Variants in NOTCH4 observed in about 807,000 individuals in gnomAD.
The protein encoded by NOTCH4 is notch receptor 4.
Under a neutral mutation model 189.0 loss-of-function variants are expected in NOTCH4, and 138 were observed. The observed-to-expected ratio is 0.73, with a 90% CI of 0.64 to 0.84. The LOEUF is 0.84. NOTCH4 is among the 40% of genes least tolerant of loss of function. NOTCH4 has a pLI of 0.00. For missense variants in NOTCH4, 2,286 were observed against 2,605.4 expected, an observed-to-expected ratio of 0.88 and a Z score of 2.67; for synonymous variants, 942 against 1,032.8, an observed-to-expected ratio of 0.91 and a Z score of 1.69.
Position 32,195,790 on chromosome 6 carries a change from C to A in NOTCH4, c.5659G>T (p.Ala1887Ser), listed in dbSNP as rs760665985. Residue 1887 changes from alanine (A) to serine (S), a missense_variant, in exon 30 of 30, where the codon GCT becomes TCT. By Grantham distance (99) the Ala-to-Ser change is moderately conservative. Coordinates refer to ENST00000375023, the MANE Select transcript of NOTCH4 (RefSeq NM_004557.4). The surrounding 1 kb of genome is among the most constrained non-coding windows in gnomAD (Gnocchi z 5.4). The stretch of plus-strand genomic sequence containing the variant: ...GAATAGGCCCCGCCCCCCCGCGCAG[C>A]CAAGTCTACGGACCAAGTCCGAGCC... ...LQARTWSVDL[A>S]ARGGGAYSHC... 1 of 1,605,756 alleles carries A rather than the reference C, an allele frequency of 6.2e-7. No homozygotes were observed. The highest frequency in any genetic ancestry group is 8.5e-7 in the Non-Finnish European group (1 of 1,179,408).
intron 18 of NOTCH4, 25 bp from the exon 19 acceptor site, chr6:32,204,414 G>A: frequency 1.2e-6 from 2 of 1,607,226 alleles, no homozygotes; most frequent in South Asian, 1.1e-5. Flanking sequence ...GATTAGACAG[G>A]GAACCAGTGG....
chr6:32,210,628 G>A lies in NOTCH4; in HGVS notation c.2865+124C>T. The A allele has an allele frequency of 1.1e-6, 1 of 904,592 alleles. No homozygotes were observed. The highest frequency in any genetic ancestry group is 1.7e-6 in the Non-Finnish European group (1 of 575,800). 56.0% of individuals were successfully genotyped at this position (904,592 alleles called of 1,614,324 possible). A position where few individuals can be genotyped will look rare whatever the true frequency, so the allele number is the denominator to read the frequency against. Reference sequence around the variant, plus strand: ...GGCATGACTTTGTGGTTAGTTGGGTGTGTGGGGTTAAAAAAAATAAAAGGA... The same window carrying A: ...GGCATGACTTTGTGGTTAGTTGGGTATGTGGGGTTAAAAAAAATAAAAGGA... On this transcript the variant is annotated intron_variant, in intron 18 of 29. Coordinates refer to ENST00000375023, the MANE Select transcript of NOTCH4 (RefSeq NM_004557.4). This position sits in a 1 kb window ranked among gnomAD's most constrained non-coding sequence, Gnocchi z 4.8.
At position 32,210,606 on chromosome 6, in the gene NOTCH4, A is replaced by G; in HGVS notation, c.2865+146T>C. The G allele has an allele frequency of 1.4e-6, 1 of 739,824 alleles. No homozygotes were observed. Among genetic ancestry groups the G allele is most frequent in the Non-Finnish European group, 2.2e-6 (1 of 444,620 alleles). 45.8% of individuals were successfully genotyped at this position (739,824 alleles called of 1,614,324 possible). A position where few individuals can be genotyped will look rare whatever the true frequency, so the allele number is the denominator to read the frequency against. ...AGAAAACTTCAGGAGATAAAGTGGC[A>G]TGACTTTGTGGTTAGTTGGGTGTGT... On this transcript the variant is annotated intron_variant, in intron 18 of 29. Transcript: ENST00000375023. This position sits in a 1 kb window ranked among gnomAD's most constrained non-coding sequence, Gnocchi z 4.8.
chr6:32,222,476 C>A, intron 3 of NOTCH4, 35 bp downstream of exon 3: 1 of 1,489,792 alleles, frequency 6.7e-7, no homozygotes, highest in Non-Finnish European at 8.9e-7. Flanking sequence ...ATTGCTCCTG[C>A]CTGTCCCCTC....
chr6:32,212,894 G>T lies in NOTCH4; in HGVS notation c.2456C>A (p.Ala819Glu). The change falls in exon 16 of 30, where the codon GCA (alanine) becomes GAA (glutamate). Residue 819 changes from alanine to glutamate, a missense_variant. By Grantham distance (107) the Ala-to-Glu change is moderately radical. Coordinates refer to ENST00000375023, the MANE Select transcript of NOTCH4 (RefSeq NM_004557.4). This position sits in a 1 kb window ranked among gnomAD's most constrained non-coding sequence, Gnocchi z 4.4. ...ACCCTGAGGGCTGTCCTGGCAGGTTGCCCTATTCCTACAGGGGCTGAACAA... is the reference window on the plus strand; with the variant it reads ...ACCCTGAGGGCTGTCCTGGCAGGTTTCCCTATTCCTACAGGGGCTGAACAA... Reference protein sequence around the residue: ...SCADSPCRNRATCQDSPQGPR... With the variant: ...SCADSPCRNRETCQDSPQGPR... 1 of 1,559,934 alleles carries T rather than the reference G, an allele frequency of 6.4e-7. No homozygotes were observed. The highest frequency in any genetic ancestry group is 1.4e-5 in the African/African-American group (1 of 73,744).
Position 32,200,858 on chromosome 6 carries a change from G to A in NOTCH4, c.4288C>T (p.Leu1430=). 2 of 1,608,200 alleles carry A rather than the reference G, an allele frequency of 1.2e-6. No homozygotes were observed. Among genetic ancestry groups the A allele is most frequent in the Non-Finnish European group, 1.7e-6 (2 of 1,177,814 alleles). ...GTCCCTGCATGAGGGTGGACAGCCAGCAGTGGTCCAGGCAGCAGGGGCTCC... is the reference window on the plus strand; with the variant it reads ...GTCCCTGCATGAGGGTGGACAGCCAACAGTGGTCCAGGCAGCAGGGGCTCC... ...ALEPLLPGPL[L]AVHPHAGTAP... Residue 1430 remains leucine (L), a synonymous_variant, in exon 23 of 30, where the codon CTG becomes TTG. Coordinates refer to ENST00000375023, the MANE Select transcript of NOTCH4 (RefSeq NM_004557.4). The surrounding 1 kb of genome is among the most constrained non-coding windows in gnomAD (Gnocchi z 5.0).
In NOTCH4 at chr6:32,220,500, T is replaced by C. The variant is rs753516428; in HGVS notation, c.1064A>G (p.Asn355Ser). The C allele has an allele frequency of 1.2e-6, 2 of 1,613,514 alleles. No homozygotes were observed. Among genetic ancestry groups the C allele is most frequent in the Non-Finnish European group, 8.5e-7 (1 of 1,180,010 alleles). Residue 355 changes from asparagine to serine, a missense_variant, in exon 6 of 30, where the codon AAC (asparagine) becomes AGC (serine). Around this residue, in one of 2 missense-constraint regions of NOTCH4, gnomAD observed 1,903 missense variants for 2,261.9 expected, o/e 0.84. Coordinates refer to ENST00000375023, the MANE Select transcript of NOTCH4 (RefSeq NM_004557.4). ...GGTGGCAGCAATACAGTCATCCAGG[T>C]TCTCCTCACAGCTTGTGCCGCCCCA... ...SGWGGTSCEE[N>S]LDDCIAATCA...
rs1268125121 is a variant in NOTCH4, at chr6:32,200,335, T to C, written c.4315+496A>G. Among the ~76,000 whole-genome samples, 1 of 151,920 alleles carries C rather than the reference T, an allele frequency of 6.6e-6. No individual in the cohort carries two copies. Among genetic ancestry groups the C allele is most frequent in the East Asian group, 1.9e-4 (1 of 5,172 alleles). On this transcript the variant is annotated intron_variant, in intron 23 of 29. Transcript: ENST00000375023. This position sits in a 1 kb window ranked among gnomAD's most constrained non-coding sequence, Gnocchi z 5.0. ...ACGCCATTCTCCTGCCTCAGCCTCC[T>C]GAGTAGCTGAGACTACAAGCACCCG...
rs546341581 is a variant in NOTCH4 at position 32,204,435 on chromosome 6, C to T, written c.2866-46G>A. ...ACAGGGAACCAGTGGATGAGCCCAA[C>T]CCAGCACTACAAGGGACCCAGCTCA... is the stretch of plus-strand genomic sequence containing the variant. On this transcript the variant is annotated intron_variant, in intron 18 of 29. Coordinates refer to ENST00000375023, the MANE Select transcript of NOTCH4 (RefSeq NM_004557.4). The T allele has an allele frequency of 4.4e-6, 7 of 1,594,394 alleles. No homozygotes were observed. The Admixed American group carries it at 1.2e-4, about 27-fold the overall frequency.
Position 32,200,867 on chromosome 6 carries a change from C to G in NOTCH4, c.4279G>C (p.Gly1427Arg). The change falls in exon 23 of 30, where the codon GGA (glycine) becomes CGA (arginine). Residue 1427 changes from glycine (G) to arginine (R), a missense_variant. This residue lies in a region of NOTCH4 where 1,903 missense variants were observed against 2,261.9 expected (regional missense o/e 0.84). Coordinates refer to ENST00000375023, the MANE Select transcript of NOTCH4 (RefSeq NM_004557.4). This position sits in a 1 kb window ranked among gnomAD's most constrained non-coding sequence, Gnocchi z 5.0. The part of the protein sequence containing the change: ...AVGALEPLLP[G>R]PLLAVHPHAG... ...TGAGGGTGGACAGCCAGCAGTGGTC[C>G]AGGCAGCAGGGGCTCCAGGGCTCCC... 1 of 1,608,668 alleles carries G rather than the reference C, an allele frequency of 6.2e-7. No individual in the cohort carries two copies. The highest frequency in any genetic ancestry group is 8.5e-7 in the Non-Finnish European group (1 of 1,178,044).
chr6:32,213,969 C>A lies in NOTCH4; in HGVS notation c.2168-129G>T, dbSNP rs1789203322. ...CTTTCCCATCAACCTCCGTTCTCACCACCTCCCACACATCACCCGTGTCCC... is the reference window on the plus strand; with the variant it reads ...CTTTCCCATCAACCTCCGTTCTCACAACCTCCCACACATCACCCGTGTCCC... On this transcript the variant is annotated intron_variant, in intron 13 of 29. Coordinates refer to ENST00000375023, the MANE Select transcript of NOTCH4 (RefSeq NM_004557.4). The A allele has an allele frequency of 4.2e-6, 6 of 1,413,376 alleles. No homozygotes were observed. The Admixed American group carries it at 9.4e-5, about 22-fold the overall frequency. The allele number at this position is 1,413,376 out of a possible 1,614,324, so 87.6% of individuals were successfully genotyped here. A position where few individuals can be genotyped will look rare whatever the true frequency, so the allele number is the denominator to read the frequency against.
chr6:32,199,289 G>A lies in NOTCH4; in HGVS notation c.4316-144C>T, dbSNP rs1332848809. 3.2e-6 allele frequency: 2 copies of A among 618,530 alleles called. No individual in the cohort carries two copies. Among genetic ancestry groups the A allele is most frequent in the Non-Finnish European group, 5.5e-6 (2 of 365,280 alleles). 38.3% of individuals were successfully genotyped at this position (618,530 alleles called of 1,614,324 possible). A position where few individuals can be genotyped will look rare whatever the true frequency, so the allele number is the denominator to read the frequency against. Reference sequence around the variant, plus strand: ...GGGGATGATAATATAGATTGAGGTTGGGCACAGTGGCTCATGCCTGTAATC... The same window carrying A: ...GGGGATGATAATATAGATTGAGGTTAGGCACAGTGGCTCATGCCTGTAATC... On this transcript the variant is annotated intron_variant, in intron 23 of 29. Transcript: ENST00000375023. The surrounding 1 kb of genome is among the most constrained non-coding windows in gnomAD (Gnocchi z 4.9).
In NOTCH4 at chr6:32,220,992, C is replaced by A. The variant is rs2127488704; in HGVS notation, c.785G>T (p.Cys262Phe). Residue 262 changes from cysteine (C) to phenylalanine (F), a missense_variant, in exon 4 of 30, where the codon TGC becomes TTC. Physicochemically the swap from Cys to Phe is radical, Grantham distance 205 (BLOSUM62 -2). Around this residue, in one of 2 missense-constraint regions of NOTCH4, gnomAD observed 1,903 missense variants for 2,261.9 expected, o/e 0.84. Coordinates refer to ENST00000375023, the MANE Select transcript of NOTCH4 (RefSeq NM_004557.4). ...TGAGGACACACCTGGGGGACAGAGG[C>A]AGAGGTGAAAGGTGGAGTCTTTCTC... is the stretch of plus-strand genomic sequence containing the variant. ...MPEKDSTFHLCLCPPGFIGPD... is the reference protein window; with the variant it reads ...MPEKDSTFHLFLCPPGFIGPD... 6.2e-7 allele frequency: 1 copy of A among 1,602,464 alleles called. No individual in the cohort carries two copies. The highest frequency in any genetic ancestry group is 8.5e-7 in the Non-Finnish European group (1 of 1,172,930).
At chr6:32,216,881 C>T (rs753496055) in intron 11 of NOTCH4, 64 bp downstream of exon 11, 15 of 1,591,712 alleles carry the variant, frequency 9.4e-6, no homozygotes, top group Non-Finnish European at 1.3e-5. Flanking sequence ...CACCAATGAA[C>T]TCTGCCCCAA....
At chr6:32,196,495 G>A (rs551407379) in intron 28 of NOTCH4, 74 bp from the exon 29 acceptor site, 1 of 1,562,122 alleles carries the variant, frequency 6.4e-7, no homozygotes, top group Non-Finnish European at 8.7e-7. Flanking sequence ...CACGGGTTCT[G>A]GCCTTGGGGG....
rs1561912584 is a variant in NOTCH4, at chr6:32,197,454, TGC to T, written c.4895_4896del (p.Gly1632AspfsTer23). 6.3e-7 allele frequency: 1 copy of T among 1,575,146 alleles called. No individual in the cohort carries two copies. The highest frequency in any genetic ancestry group is 1.2e-5 in the South Asian group (1 of 85,942). ...GCCAGGTGCAGGGGGGTCTCCCCAGTGCCCACGGTGTGAGCCTGGGGACAGGC... is the reference window on the plus strand; with the variant it reads ...GCCAGGTGCAGGGGGGTCTCCCCAGTCCACGGTGTGAGCCTGGGGACAGGC... ...GGACPQAHTV[G>X]TGETPLHLAA... is the part of the protein sequence containing the mutation. On this transcript the variant is annotated frameshift_variant, in exon 27 of 30. Transcript: ENST00000375023. LOFTEE classifies it high-confidence loss of function.
In NOTCH4 at chr6:32,220,613, C is replaced by A; in HGVS notation, c.951G>T (p.Glu317Asp). 1 of 1,614,054 alleles carries A rather than the reference C, an allele frequency of 6.2e-7. No individual in the cohort carries two copies. The highest frequency in any genetic ancestry group is 8.5e-7 in the Non-Finnish European group (1 of 1,179,980). Residue 317 changes from glutamate (E) to aspartate (D), a missense_variant, in exon 6 of 30, where the codon GAG becomes GAT. Around this residue, in one of 2 missense-constraint regions of NOTCH4, gnomAD observed 1,903 missense variants for 2,261.9 expected, o/e 0.84. Coordinates refer to ENST00000375023, the MANE Select transcript of NOTCH4 (RefSeq NM_004557.4). ...AGTGAGGGGGACCCTGGGTCTCACA[C>A]TCATCCACATCTTCGGAGCAGTCCC... ...TGWDCSEDVD[E>D]CETQGPPHCR...
At position 32,206,339 on chromosome 6, in the gene NOTCH4, C is replaced by A. The variant is rs9469091; in HGVS notation, c.2866-1950G>T. 1.6e-3 allele frequency among the ~76,000 whole-genome samples: 243 copies of A among 152,014 alleles called. 1 individual carries two copies. Among genetic ancestry groups the A allele is most frequent in the African/African-American group, 5.2e-3 (216 of 41,502 alleles). ...ACCTAAAGAAAACACTGGTTATAAACAAATTCAGTAAAGCTGTAGGATACA... is the reference window on the plus strand; with the variant it reads ...ACCTAAAGAAAACACTGGTTATAAAAAAATTCAGTAAAGCTGTAGGATACA... On this transcript the variant is annotated intron_variant, in intron 18 of 29. Coordinates refer to ENST00000375023, the MANE Select transcript of NOTCH4 (RefSeq NM_004557.4).
intron 18 of NOTCH4, among the ~76,000 whole-genome samples, chr6:32,205,021 T>G (rs562125314): frequency 6.6e-6 from 1 of 152,212 alleles, no homozygotes; most frequent in Non-Finnish European, 1.5e-5. Flanking sequence ...TCCAAACCAA[T>G]GCTCTTAACC....
Sources: allele counts gnomAD v4.1 joint callset (sites outside exome capture counted in the v4.1 genomes callset), GRCh38; gene constraint gnomAD v4.1.1; regional missense constraint gnomAD v4.1.1; non-coding constraint Gnocchi (gnomAD v3.1); transcripts MANE v1.5; gene names NCBI Gene and HGNC (gene_info 2026-07-23, HGNC 2026-07-21).